E2F4: variants seen among roughly 807,000 people sequenced by gnomAD.
E2F4 encodes the protein E2F transcription factor 4, also known as transcription factor E2F4.
E2F4 carries 16 observed loss-of-function variants against 44.5 expected under a neutral mutation model. The observed-to-expected ratio is 0.36, with a 90% CI of 0.24 to 0.55. The LOEUF (loss-of-function observed/expected upper bound fraction) is 0.55. Ranked by LOEUF, E2F4 falls within the 20% of genes least tolerant of loss-of-function variation. E2F4 has a pLI of 0.87. For synonymous variants in E2F4, 242 were observed against 207.2 expected (o/e 1.17, Z -1.44); for missense variants, 473 against 522.1 (o/e 0.91, Z 0.92).
At chr16:67,193,294 C>T in intron 3 of E2F4, 124 bp downstream of exon 3, 3 of 1,506,738 alleles carry the variant, frequency 2.0e-6, no homozygotes, top group South Asian at 1.2e-5. Context: ...GCCTCAGGCT[C>T]CCTCCTCAGA....
In E2F4 at chr16:67,195,734, G is replaced by C. The variant is rs536606769; in HGVS notation, c.809-48G>C. The C allele has an allele frequency of 6.6e-5, 106 of 1,608,242 alleles. 1 individual carries two copies. In the Middle Eastern group the frequency reaches 6.6e-4, roughly 10 times the overall value. On this transcript the variant is annotated intron_variant, in intron 6 of 9. Transcript: ENST00000379378. ...GGGTTCCAGCACAGCCAGTTTCAACGACCTCTTCCTGACCTTGTATGACTG... is the reference window on the plus strand; with the variant it reads ...GGGTTCCAGCACAGCCAGTTTCAACCACCTCTTCCTGACCTTGTATGACTG...
intron 7 of E2F4, among the ~76,000 whole-genome samples, chr16:67,197,380 C>T (rs1317288421): frequency 1.3e-5 from 2 of 152,184 alleles, no homozygotes; most frequent in Non-Finnish European, 2.9e-5. Flanking sequence ...CTGTACCAAT[C>T]GCTTGCAGGG....
At chr16:67,193,916 CTT>C in intron 4 of E2F4, 1 of 250,092 alleles carries the variant, frequency 4.0e-6, no homozygotes, top group South Asian at 7.0e-5. Flanking sequence ...GGATCTGTTC[CTT>C]TTTTTTTCTT....
chr16:67,193,541 G>A, intron 4 of E2F4, 26 bp downstream of exon 4: 1 of 1,613,868 alleles, frequency 6.2e-7, no homozygotes, highest in East Asian at 2.2e-5. Context: ...GTAGGGGTAA[G>A]GGGGTGGGCT....
At chr16:67,194,542 AGGGGGAG>A (rs1567688020) in intron 5 of E2F4, 83 bp downstream of exon 5, 2 of 1,589,694 alleles carry the variant, frequency 1.3e-6, no homozygotes. Flanking sequence ...TGGGGCAAGT[AGGGGGAG>A]GCCTGGAGTT....
chr16:67,192,407 G>GA, intron 1 of E2F4, 45 bp downstream of exon 1: 1 of 1,419,968 alleles, frequency 7.0e-7, no homozygotes, highest in Middle Eastern at 2.5e-4. Context: ...GGTGGACCAG[G>GA]CCTGGGCCGG....
At chr16:67,193,238 C>G in intron 3 of E2F4, 68 bp downstream of exon 3, 3 of 1,532,212 alleles carry the variant, frequency 2.0e-6, no homozygotes, top group Non-Finnish European at 2.6e-6. Context: ...TGCCCTGAGT[C>G]CTGTTCCTCT....
At chr16:67,194,509 T>C in intron 5 of E2F4, 50 bp downstream of exon 5, 1 of 1,609,576 alleles carries the variant, frequency 6.2e-7, no homozygotes, top group Non-Finnish European at 8.5e-7. Flanking sequence ...GGGTGCTGGC[T>C]GTGGAGCCTG....
In E2F4 at chr16:67,195,890, A is replaced by ACAGCAG. The variant is rs3830472; in HGVS notation, c.953_958dup (p.Ser318_Ser319dup). 2,965 of 1,607,942 alleles carry ACAGCAG rather than the reference A, an allele frequency of 1.8e-3. 9 individuals are homozygous for ACAGCAG. The highest frequency in any genetic ancestry group is 0.016 in the African/African-American group (1,194 of 73,608). ...CCACTGCAGTCTTCTGCCCTGCTGG[A>ACAGCAG]CAGCAGCAGCAGCAGCAGCAGCAGC... On this transcript the variant is annotated inframe_insertion, in exon 7 of 10. Coordinates refer to ENST00000379378, the MANE Select transcript of E2F4 (RefSeq NM_001950.4).
intron 4 of E2F4, 136 bp from the exon 5 acceptor site, chr16:67,194,262 C>T: frequency 1.1e-6 from 1 of 889,728 alleles, no homozygotes; most frequent in Non-Finnish European, 1.7e-6. Flanking sequence ...TGCCTGGCCA[C>T]TATGGGGGAT....
At chr16:67,197,974 C>T (rs1310174048) in intron 9 of E2F4, 34 bp from the exon 10 acceptor site, 12 of 1,614,090 alleles carry the variant, frequency 7.4e-6, no homozygotes, top group Non-Finnish European at 1.0e-5. Flanking sequence ...TAGGGGAGCC[C>T]TGGCCCAGGG....
In E2F4 at chr16:67,195,919, A is replaced by G. The variant is rs2032960776; in HGVS notation, c.946A>G (p.Ser316Gly). The G allele has an allele frequency of 6.2e-7, 1 of 1,613,734 alleles. No homozygotes were observed. Among genetic ancestry groups the G allele is most frequent in the Non-Finnish European group, 8.5e-7 (1 of 1,179,790 alleles). The change falls in exon 7 of 10, where the codon AGC becomes GGC. Residue 316 changes from serine (S) to glycine (G), a missense_variant. Coordinates refer to ENST00000379378, the MANE Select transcript of E2F4 (RefSeq NM_001950.4). ...DSSSSSSSSS[S>G]SSSNSNSSSS... ...CAGCAGCAGCAGCAGCAGCAGCAGC[A>G]GCAGCAGCAGCAACAGTAACAGCAG...
At chr16:67,196,850 C>G (rs1031201292) in intron 7 of E2F4, among the ~76,000 whole-genome samples, 2 of 152,160 alleles carry the variant, frequency 1.3e-5, no homozygotes, top group Non-Finnish European at 2.9e-5. Flanking sequence ...CCTTATCCCT[C>G]CTCCTTCTGC....
Position 67,195,074 on chromosome 16 carries a change from T to C in E2F4, c.808+94T>C, listed in dbSNP as rs1055405169. 1.0e-5 allele frequency: 15 copies of C among 1,468,102 alleles called. No homozygotes were observed. In the Admixed American group the frequency reaches 1.7e-4, roughly 17 times the overall value. 90.9% of individuals were successfully genotyped at this position (1,468,102 alleles called of 1,614,324 possible). ...TCAGAGTTGGAAGAGACTCTTCAGG[T>C]TGGGGATTGTCCTTTTCCTGACCAC... On this transcript the variant is annotated intron_variant, in intron 6 of 9. Transcript: ENST00000379378.
Position 67,192,278 on chromosome 16 carries a change from G to C in E2F4, c.51G>C (p.Arg17=). 2 of 1,334,058 alleles carry C rather than the reference G, an allele frequency of 1.5e-6. No individual in the cohort carries two copies. The highest frequency in any genetic ancestry group is 1.9e-6 in the Non-Finnish European group (2 of 1,038,144). 82.6% of individuals were successfully genotyped at this position (1,334,058 alleles called of 1,614,324 possible). ...QAPPPPGTPS[R]HEKSLGLLTT... The stretch of plus-strand genomic sequence containing the variant: ...CGCCGCCCCCGGGCACTCCAAGCCG[G>C]CACGAAAAGAGCCTGGGACTGCTCA... Residue 17 remains arginine, a synonymous_variant, in exon 1 of 10, where the codon CGG becomes CGC. Transcript: ENST00000379378.
In E2F4 at chr16:67,198,304, G is replaced by T; in HGVS notation, c.*181G>T. On this transcript the variant is annotated 3_prime_UTR_variant, in exon 10 of 10. Coordinates refer to ENST00000379378, the MANE Select transcript of E2F4 (RefSeq NM_001950.4). ...CTCCTGTGCTGGCACTTCTGTGCTC[G>T]CAGAGCAGGGGAACAGGACTCAGCC... The T allele has an allele frequency of 1.6e-6, 1 of 607,324 alleles. No homozygotes were observed. The highest frequency in any genetic ancestry group is 2.8e-5 in the Admixed American group (1 of 35,200). The allele number at this position is 607,324 out of a possible 1,614,324, so 37.6% of individuals were successfully genotyped here.
Position 67,198,454 on chromosome 16 carries a change from TTGTTCC to T in E2F4, c.*334_*339del, listed in dbSNP as rs2033013187. The T allele has an allele frequency of 3.2e-6, 1 of 311,448 alleles. No individual in the cohort carries two copies. Among genetic ancestry groups the T allele is most frequent in the Admixed American group, 4.6e-5 (1 of 21,834 alleles). 19.3% of individuals were successfully genotyped at this position (311,448 alleles called of 1,614,324 possible). A position where few individuals can be genotyped will look rare whatever the true frequency, so the allele number is the denominator to read the frequency against. ...ATTACCCCCCATAGGGGGCAGTGTC[TTGTTCC>T]TGCCAGCCTCAGTGTCTTGCTTCTG... On this transcript the variant is annotated 3_prime_UTR_variant, in exon 10 of 10. Coordinates refer to ENST00000379378, the MANE Select transcript of E2F4 (RefSeq NM_001950.4).
Position 67,194,453 on chromosome 16 carries a change from C to T in E2F4, c.507C>T (p.Ile169=), listed in dbSNP as rs1016009005. 1.2e-5 allele frequency: 19 copies of T among 1,613,964 alleles called. No homozygotes were observed. The highest frequency in any genetic ancestry group is 1.4e-5 in the Non-Finnish European group (17 of 1,180,020). Residue 169 remains isoleucine, a synonymous_variant, in exon 5 of 10, where the codon ATC becomes ATT. Transcript: ENST00000379378. ...APSGTSLEVP[I]PEGLNGQKKY... ...CAGGCACCAGCCTGGAGGTGCCCATCCCAGAGGTGGGTGCTTAGCCCAGGC... is the reference window on the plus strand; with the variant it reads ...CAGGCACCAGCCTGGAGGTGCCCATTCCAGAGGTGGGTGCTTAGCCCAGGC...
chr16:67,192,190 G>T lies in E2F4; in HGVS notation c.-38G>T. On this transcript the variant is annotated 5_prime_UTR_variant, in exon 1 of 10. Coordinates refer to ENST00000379378, the MANE Select transcript of E2F4 (RefSeq NM_001950.4). ...GCGGAAGTGGCGGCGGCGCCGGCCTGGCCTGGCCTGGCTGAGGGGAGGCGG... is the reference window on the plus strand; with the variant it reads ...GCGGAAGTGGCGGCGGCGCCGGCCTTGCCTGGCCTGGCTGAGGGGAGGCGG... 6 of 1,217,748 alleles carry T rather than the reference G, an allele frequency of 4.9e-6. No individual in the cohort carries two copies. The highest frequency in any genetic ancestry group is 6.1e-6 in the Non-Finnish European group (6 of 977,884). The allele number at this position is 1,217,748 out of a possible 1,614,324, so 75.4% of individuals were successfully genotyped here.
Sources: allele counts gnomAD v4.1 joint callset (sites outside exome capture counted in the v4.1 genomes callset), GRCh38; gene constraint gnomAD v4.1.1; transcripts MANE v1.5; gene names NCBI Gene and HGNC (gene_info 2026-07-23, HGNC 2026-07-21).